Variants in MYO16 observed in about 807,000 individuals in gnomAD.
MYO16 encodes the protein myosin XVI.
In MYO16, 94 loss-of-function variants were observed where a neutral mutation model predicts 205.3. The observed-to-expected ratio is 0.46, with a 90% CI of 0.39 to 0.54. The LOEUF (loss-of-function observed/expected upper bound fraction) is 0.54. Ranked by LOEUF, MYO16 falls within the 20% of genes least tolerant of loss-of-function variation. The probability of loss-of-function intolerance (pLI) is 0.00; values close to 1 mark genes in which losing one functional copy is unlikely to be tolerated. For missense variants in MYO16, 2,315 were observed against 2,387.5 expected (o/e 0.97, Z 0.63); for synonymous variants, 988 against 954.0 (o/e 1.04, Z -0.66).
chr13:109,019,661 T>C (rs1231623321), intron 22 of MYO16, 50 bp from the exon 23 acceptor site: 1 of 1,425,638 alleles, frequency 7.0e-7, no homozygotes, highest in Non-Finnish European at 9.7e-7. Flanking sequence ...AACAAAAATA[T>C]CAAACTAAGT....
intron 3 of MYO16, among the ~76,000 whole-genome samples, chr13:108,717,397 C>T (rs1217521702): frequency 6.6e-6 from 1 of 151,622 alleles, no homozygotes; most frequent in African/African-American, 2.4e-5. Context: ...TTTGGGAGGC[C>T]GAGGCGGGCA....
In MYO16 at chr13:108,855,491, G is replaced by A. The variant is rs748579205; in HGVS notation, c.1297G>A (p.Glu433Lys). Residue 433 changes from glutamate (E) to lysine (K), a missense_variant, in exon 11 of 35, where the codon GAG (glutamate) becomes AAG (lysine). Coordinates refer to ENST00000457511, the MANE Select transcript of MYO16 (RefSeq NM_001198950.3). ...APNDDLATLSELNDGSLLYEI... is the reference protein window; with the variant it reads ...APNDDLATLSKLNDGSLLYEI... ...AAACGATGACCTGGCAACGCTCAGC[G>A]AGCTCAATGATGGCAGCCTGCTCTA... is the stretch of plus-strand genomic sequence containing the variant. 16 of 1,597,162 alleles carry A rather than the reference G, an allele frequency of 1.0e-5. No individual in the cohort carries two copies. The highest frequency in any genetic ancestry group is 2.2e-5 in the East Asian group (1 of 44,634).
At position 109,055,517 on chromosome 13, in the gene MYO16, A is replaced by G. The variant is rs766590795; in HGVS notation, c.3257A>G (p.Tyr1086Cys). The G allele has an allele frequency of 1.1e-5, 18 of 1,613,032 alleles. No individual in the cohort carries two copies. The highest frequency in any genetic ancestry group is 8.9e-5 in the East Asian group (4 of 44,866). Residue 1086 changes from tyrosine (Y) to cysteine (C), a missense_variant, in exon 27 of 35, where the codon TAT becomes TGT. Tyr to Cys is a radical substitution (Grantham distance 194). Around this residue, in one of 3 missense-constraint regions of MYO16, gnomAD observed 1,097 missense variants for 1,092.0 expected, o/e 1.00. Transcript: ENST00000457511. This position sits in a 1 kb window ranked among gnomAD's most constrained non-coding sequence, Gnocchi z 5.0. ...DNFYVSAQLQ[Y>C]IGVLEMVKIF... ...TTTTACGTGTCTGCTCAGCTACAAT[A>G]TATTGGGGTCCTGGAGATGGTGAAG...
intron 32 of MYO16, among the ~76,000 whole-genome samples, chr13:109,155,245 C>G (rs1877943404): frequency 6.6e-6 from 1 of 152,096 alleles, no homozygotes; most frequent in Non-Finnish European, 1.5e-5. Context: ...GGGTGGGTGA[C>G]AAGAGTTAGG....
intron 4 of MYO16, among the ~76,000 whole-genome samples, chr13:108,764,663 G>C (rs1254433165): frequency 1.3e-5 from 2 of 152,132 alleles, no homozygotes; most frequent in Admixed American, 6.5e-5. Context: ...CTCTTTACTA[G>C]CCCTGGAACC....
At chr13:108,802,330 G>A (rs917151800) in intron 6 of MYO16, among the ~76,000 whole-genome samples, 3 of 152,156 alleles carry the variant, frequency 2.0e-5, no homozygotes, top group African/African-American at 7.2e-5. Context: ...TTAGAAGCGA[G>A]ATCATGCAGT....
chr13:108,931,619 A>G (rs1475382747), intron 16 of MYO16, among the ~76,000 whole-genome samples: 10 of 152,208 alleles, frequency 6.6e-5, no homozygotes, highest in Non-Finnish European at 4.4e-5. Flanking sequence ...ATAAAGCACA[A>G]ATTATAAGAT....
intron 21 of MYO16, among the ~76,000 whole-genome samples, chr13:108,997,810 C>T (rs763471652): frequency 5.3e-5 from 8 of 152,144 alleles, no homozygotes; most frequent in Non-Finnish European, 1.2e-4. Context: ...CGTACTCCAG[C>T]CTGGGCAACA....
intron 2 of MYO16, among the ~76,000 whole-genome samples, chr13:108,695,922 C>A (rs1160294496): frequency 6.6e-6 from 1 of 152,138 alleles, no homozygotes; most frequent in Non-Finnish European, 1.5e-5. Flanking sequence ...AAAGGAGGAA[C>A]AACCATATGC....
intron 2 of MYO16, among the ~76,000 whole-genome samples, chr13:108,675,438 A>T (rs1219155670): frequency 6.6e-6 from 1 of 152,242 alleles, no homozygotes; most frequent in Non-Finnish European, 1.5e-5. Flanking sequence ...ATTCTGAAGG[A>T]TCCTGTATGA....
chr13:108,948,482 A>T (rs949030557), intron 16 of MYO16, among the ~76,000 whole-genome samples: 6 of 152,192 alleles, frequency 3.9e-5, no homozygotes, highest in Admixed American at 1.3e-4. Context: ...GCACACAAGG[A>T]TTGTTTCATG....
At chr13:109,023,015 A>G (rs190476885) in intron 23 of MYO16, among the ~76,000 whole-genome samples, 2,256 of 134,632 alleles carry the variant, frequency 0.017, 71 homozygotes, top group African/African-American at 0.058. Flanking sequence ...ACACATGTAA[A>G]TGTATGTATA....
chr13:109,011,498 C>CTTTTTTTTTTT (rs34575828), intron 22 of MYO16, among the ~76,000 whole-genome samples: 73 of 129,800 alleles, frequency 5.6e-4, no homozygotes, highest in Non-Finnish European at 7.6e-4. Context: ...TTCTTCCTTT[C>CTTTTTTTTTTT]TTTTTTTTTT....
At chr13:109,003,157 A>C (rs997878762) in intron 21 of MYO16, among the ~76,000 whole-genome samples, 1 of 151,978 alleles carries the variant, frequency 6.6e-6, no homozygotes, top group African/African-American at 2.4e-5. Context: ...ACTCACTACC[A>C]CTCCACATCA....
intron 4 of MYO16, among the ~76,000 whole-genome samples, chr13:108,780,387 G>A (rs896325877): frequency 6.1e-5 from 9 of 147,960 alleles, no homozygotes; most frequent in African/African-American, 9.9e-5. Flanking sequence ...CCCAGTGACC[G>A]ACTCATTCAT....
chr13:108,676,272 A>G (rs1353321019), intron 2 of MYO16, among the ~76,000 whole-genome samples: 2 of 152,038 alleles, frequency 1.3e-5, no homozygotes, highest in African/African-American at 4.8e-5. Flanking sequence ...ATTTGATAGC[A>G]CCTTTGGAAA....
At chr13:108,909,416 C>T (rs769590868) in intron 15 of MYO16, among the ~76,000 whole-genome samples, 16 of 152,136 alleles carry the variant, frequency 1.1e-4, no homozygotes, top group Non-Finnish European at 1.6e-4. Context: ...TTAATAGACA[C>T]CTCATCTACC....
intron 4 of MYO16, among the ~76,000 whole-genome samples, chr13:108,758,329 C>A (rs187274108): frequency 2.0e-5 from 3 of 152,062 alleles, no homozygotes; most frequent in African/African-American, 2.4e-5. Context: ...AGTCAGTAAC[C>A]GGTGCCATGT....
At chr13:108,684,865 C>T (rs1020788042) in intron 2 of MYO16, among the ~76,000 whole-genome samples, 14 of 152,112 alleles carry the variant, frequency 9.2e-5, no homozygotes, top group Non-Finnish European at 1.5e-4. Flanking sequence ...CATGCCTGGC[C>T]CCAGACCCGC....
Sources: gnomAD v4.1 joint callset for allele counts (sites outside exome capture counted in the v4.1 genomes callset) on GRCh38, gnomAD v4.1.1 for gene constraint, gnomAD v4.1.1 regional missense constraint, Gnocchi (gnomAD v3.1) non-coding constraint, MANE v1.5 for transcripts, NCBI Gene and HGNC (gene_info 2026-07-23, HGNC 2026-07-21) for gene names.